The following GALNT16 variants were observed in gnomAD, a reference collection of about 807,000 sequenced individuals.
GALNT16 encodes polypeptide N-acetylgalactosaminyltransferase 16, also known as UDP-GalNAc:polypeptide N-acetylgalactosaminyltransferase-like protein 1.
GALNT16 carries 40 observed loss-of-function variants against 76.1 expected under a neutral mutation model. That is an observed-to-expected ratio of 0.53 (90% CI 0.41 to 0.68). The LOEUF (loss-of-function observed/expected upper bound fraction) is 0.68. Ranked by LOEUF, GALNT16 falls within the 30% of genes least tolerant of loss-of-function variation. The pLI, the probability that GALNT16 is intolerant of heterozygous loss-of-function variation, is 0.00. For synonymous variants in GALNT16, 276 were observed against 285.2 expected, an observed-to-expected ratio of 0.97 and a Z score of 0.32; for missense variants, 621 against 731.9, an observed-to-expected ratio of 0.85 and a Z score of 1.75.
In GALNT16 at chr14:69,353,215, G is replaced by C. The variant is rs1325803206; in HGVS notation, c.*1047G>C. 1 of 152,124 alleles carries C rather than the reference G, an allele frequency of 6.6e-6. No individual in the cohort carries two copies. The highest frequency in any genetic ancestry group is 2.4e-5 in the African/African-American group (1 of 41,412). The allele number at this position is 152,124 out of a possible 1,614,324, so 9.4% of individuals were successfully genotyped here. On this transcript the variant is annotated 3_prime_UTR_variant, in exon 15 of 15. Coordinates refer to ENST00000448469, the MANE Select transcript of GALNT16 (RefSeq NM_001168368.2). ...TGGAAAGAAGGGAACTTCCCTTCTG[G>C]ACCAAGAACAGCCCCTAAGTCATTA...
intron 14 of GALNT16, chr14:69,351,797 T>G (rs2045639720): frequency 6.6e-6 from 3 of 455,360 alleles, no homozygotes; most frequent in Non-Finnish European, 1.2e-5. Flanking sequence ...GGTGTAGTCC[T>G]AGCTACTCAG....
chr14:69,264,819 C>CTTTTT lies in GALNT16; in HGVS notation c.177+4359_177+4363dup, dbSNP rs60818532. On this transcript the variant is annotated intron_variant, in intron 1 of 14. Coordinates refer to ENST00000448469, the MANE Select transcript of GALNT16 (RefSeq NM_001168368.2). ...TTTATTTTCTCTTTTCTTTTTCTTT[C>CTTTTT]TTTTTTTTTTTGGACACAGGGTCTC... Among the ~76,000 whole-genome samples the CTTTTT allele has an allele frequency of 3.5e-4, 34 of 96,576 alleles. 8 individuals carry two copies. Among genetic ancestry groups the CTTTTT allele is most frequent in the East Asian group, 1.7e-3 (4 of 2,320 alleles). The allele number at this position is 96,576 out of a possible 152,430, so 63.4% of individuals were successfully genotyped here.
intron 1 of GALNT16, among the ~76,000 whole-genome samples, chr14:69,277,497 G>C (rs1246173767): frequency 6.6e-6 from 1 of 152,176 alleles, no homozygotes; most frequent in Non-Finnish European, 1.5e-5. Flanking sequence ...CCTTACAATA[G>C]TTTGCTCAGA....
At chr14:69,342,940 A>G (rs2045513971) in intron 12 of GALNT16, among the ~76,000 whole-genome samples, 1 of 152,188 alleles carries the variant, frequency 6.6e-6, no homozygotes, top group Admixed American at 6.5e-5. Context: ...CGTTATTATC[A>G]TCGGCATTAT....
At chr14:69,381,922 C>T in the GALNT16 span, among the ~76,000 whole-genome samples, 2 of 152,210 alleles carry the variant, frequency 1.3e-5, no homozygotes, top group Non-Finnish European at 1.5e-5. Flanking sequence ...ACTCCTGACC[C>T]TCAAGTGATC....
rs555693701 is a variant in GALNT16 at position 69,286,599 on chromosome 14, C to T, written c.177+26132C>T. Among the ~76,000 whole-genome samples the T allele has an allele frequency of 9.2e-5, 14 of 152,264 alleles. No individual in the cohort carries two copies. The South Asian group carries it at 1.2e-3, about 14-fold the overall frequency. On this transcript the variant is annotated intron_variant, in intron 1 of 14. Transcript: ENST00000448469. ...GATTACAGGCATGAGCCACTGCGCCCGGCCAAAGGCACTCTTATTTGTGCA... is the reference window on the plus strand; with the variant it reads ...GATTACAGGCATGAGCCACTGCGCCTGGCCAAAGGCACTCTTATTTGTGCA...
chr14:69,305,186 T>TGA (rs994481652), intron 1 of GALNT16, among the ~76,000 whole-genome samples: 3 of 146,452 alleles, frequency 2.0e-5, no homozygotes, highest in East Asian at 4.2e-4. Flanking sequence ...TTTTTTTTTT[T>TGA]GAGAGAGAGT....
At chr14:69,376,748 G>A in the GALNT16 span, among the ~76,000 whole-genome samples, 1 of 152,138 alleles carries the variant, frequency 6.6e-6, no homozygotes, top group Non-Finnish European at 1.5e-5. Flanking sequence ...GACTGCTTAT[G>A]AGAAACATGG....
At chr14:69,295,698 C>T (rs928674129) in intron 1 of GALNT16, among the ~76,000 whole-genome samples, 3 of 152,000 alleles carry the variant, frequency 2.0e-5, no homozygotes, top group South Asian at 2.1e-4. Context: ...CCAGCCTGGG[C>T]GACAGAGCGA....
At chr14:69,365,034 C>A in the GALNT16 span, among the ~76,000 whole-genome samples, 1 of 152,216 alleles carries the variant, frequency 6.6e-6, no homozygotes, top group Non-Finnish European at 1.5e-5. Flanking sequence ...TGGAATCCAA[C>A]GATGTCTGAT....
At chr14:69,328,663 G>C (rs1470078369) in intron 6 of GALNT16, 92 bp downstream of exon 6, 18 of 1,369,744 alleles carry the variant, frequency 1.3e-5, no homozygotes, top group Non-Finnish European at 1.6e-5. Context: ...TTTGAAGCTG[G>C]GCAGGCATCG....
At chr14:69,275,920 G>A (rs538942347) in intron 1 of GALNT16, among the ~76,000 whole-genome samples, 4 of 152,326 alleles carry the variant, frequency 2.6e-5, no homozygotes, top group South Asian at 4.1e-4. Flanking sequence ...ACAAAAGAAA[G>A]AGGTTTATTT....
intron 12 of GALNT16, among the ~76,000 whole-genome samples, chr14:69,343,833 A>T (rs1302698890): frequency 6.6e-6 from 1 of 152,218 alleles, no homozygotes; most frequent in Non-Finnish European, 1.5e-5. Context: ...GTGTCTCATA[A>T]CTATCAGAAA....
intron 1 of GALNT16, among the ~76,000 whole-genome samples, chr14:69,280,263 T>G (rs1032722186): frequency 1.3e-5 from 2 of 152,238 alleles, no homozygotes; most frequent in Non-Finnish European, 2.9e-5. Flanking sequence ...GTGACTACTC[T>G]AGGTACCTCA....
intron 1 of GALNT16, among the ~76,000 whole-genome samples, chr14:69,315,401 C>T (rs1056320026): frequency 3.3e-5 from 5 of 152,226 alleles, no homozygotes; most frequent in Admixed American, 6.5e-5. Flanking sequence ...GCCAAGAACT[C>T]TCAGCAGGAG....
chr14:69,315,550 C>G (rs2045088279), intron 1 of GALNT16, among the ~76,000 whole-genome samples: 1 of 152,228 alleles, frequency 6.6e-6, no homozygotes, highest in Non-Finnish European at 1.5e-5. Flanking sequence ...ACCGCCCTGC[C>G]TGCTGGGGAA....
At chr14:69,286,709 G>A (rs1252618854) in intron 1 of GALNT16, among the ~76,000 whole-genome samples, 1 of 152,190 alleles carries the variant, frequency 6.6e-6, no homozygotes, top group East Asian at 1.9e-4. Context: ...TTCCTTTGAA[G>A]TGCACCAAAA....
intron 1 of GALNT16, among the ~76,000 whole-genome samples, chr14:69,271,413 G>A (rs2044406117): frequency 6.6e-6 from 1 of 152,190 alleles, no homozygotes; most frequent in Non-Finnish European, 1.5e-5. Flanking sequence ...GAGGAAAACT[G>A]GGCATAAGGT....
chr14:69,276,151 G>A (rs12588610), intron 1 of GALNT16, among the ~76,000 whole-genome samples: 37,809 of 151,908 alleles, frequency 0.25, 4,988 homozygotes, highest in South Asian at 0.33. Flanking sequence ...CAGCATGTGG[G>A]AACTCTGAGA....
Sources: gnomAD v4.1 joint callset for allele counts (sites outside exome capture counted in the v4.1 genomes callset) on GRCh38, gnomAD v4.1.1 for gene constraint, MANE v1.5 for transcripts, NCBI Gene and HGNC (gene_info 2026-07-23, HGNC 2026-07-21) for gene names.